Variants in DLGAP2 observed in about 807,000 individuals in gnomAD.
The protein encoded by DLGAP2 is disks large-associated protein 2.
Under a neutral mutation model 100.3 loss-of-function variants are expected in DLGAP2, and 26 were observed. That is an observed-to-expected ratio of 0.26 (90% confidence interval 0.19 to 0.36). DLGAP2 has a LOEUF of 0.36. Among genes scored for constraint, DLGAP2 ranks in the 10% least tolerant of loss-of-function variants. The pLI, the probability that DLGAP2 is intolerant of heterozygous loss-of-function variation, is 1.00. For synonymous variants in DLGAP2, 886 were observed against 630.1 expected, an observed-to-expected ratio of 1.41 and a Z score of -6.08; for missense variants, 1,858 against 1,453.2, an observed-to-expected ratio of 1.28 and a Z score of -4.53.
rs1176858523 is a variant in DLGAP2 at position 1,240,943 on chromosome 8, G to A, written c.74-17908G>A. Among the ~76,000 whole-genome samples, 4 of 8,608 alleles carry A rather than the reference G, an allele frequency of 4.6e-4. 1 individual carries two copies. The highest frequency in any genetic ancestry group is 2.4e-3 in the African/African-American group (3 of 1,272). 5.6% of individuals were successfully genotyped at this position (8,608 alleles called of 152,430 possible). ...ACTGTGTCTAGTTCTCTCACATGGC[G>A]CCGTGTCTAGTTCTCTTACATGGCG... On this transcript the variant is annotated intron_variant, in intron 2 of 14. Transcript: ENST00000637795.
chr8:964,526 A>C (rs946828327), intron 2 of DLGAP2, among the ~76,000 whole-genome samples: 8 of 152,256 alleles, frequency 5.3e-5, no homozygotes, highest in African/African-American at 1.7e-4. Context: ...TCAGCTGTTT[A>C]TTTGAAACGT....
At chr8:886,659 A>G (rs961043970) in intron 1 of DLGAP2, among the ~76,000 whole-genome samples, 17 of 152,244 alleles carry the variant, frequency 1.1e-4, no homozygotes, top group Non-Finnish European at 2.5e-4. Context: ...AGGTTGTTCA[A>G]TTTCCATGAG....
chr8:1,011,124 G>A (rs948117820), intron 2 of DLGAP2, among the ~76,000 whole-genome samples: 6 of 148,524 alleles, frequency 4.0e-5, no homozygotes, highest in African/African-American at 1.5e-4. Flanking sequence ...GAGCCCGGGC[G>A]AAGGGCCTCA....
At chr8:1,432,912 A>G (rs1292792067) in intron 3 of DLGAP2, among the ~76,000 whole-genome samples, 1 of 152,072 alleles carries the variant, frequency 6.6e-6, no homozygotes, top group African/African-American at 2.4e-5. Flanking sequence ...AGACCCTGGG[A>G]ATGGCGAGCA....
Position 1,632,887 on chromosome 8 carries a change from G to T in DLGAP2, c.1651G>T (p.Val551Phe). The T allele has an allele frequency of 6.2e-7, 1 of 1,613,988 alleles. No homozygotes were observed. The highest frequency in any genetic ancestry group is 2.2e-5 in the East Asian group (1 of 44,882). Reference sequence around the variant, plus strand: ...CGTGTGCGAGTCCGTCTTCAGTGAAGTTGAATCTCAGGCCATGGATGCCCT... The same window carrying T: ...CGTGTGCGAGTCCGTCTTCAGTGAATTTGAATCTCAGGCCATGGATGCCCT... ...ESVCESVFSEVESQAMDALDL... is the reference protein window; with the variant it reads ...ESVCESVFSEFESQAMDALDL... The change falls in exon 8 of 15, where the codon GTT becomes TTT. Residue 551 changes from valine (V) to phenylalanine (F), a missense_variant. Val to Phe is a conservative substitution (Grantham distance 50, BLOSUM62 -1). Coordinates refer to ENST00000637795, the MANE Select transcript of DLGAP2 (RefSeq NM_001346810.2).
At chr8:1,671,954 G>A (rs1183469944) in intron 10 of DLGAP2, among the ~76,000 whole-genome samples, 2 of 152,238 alleles carry the variant, frequency 1.3e-5, no homozygotes, top group African/African-American at 4.8e-5. Context: ...ACCCGGTCTG[G>A]CCTGACCTCG....
At chr8:982,972 A>T (rs1026314356) in intron 2 of DLGAP2, among the ~76,000 whole-genome samples, 5 of 143,842 alleles carry the variant, frequency 3.5e-5, no homozygotes, top group Non-Finnish European at 4.5e-5. Flanking sequence ...CCAAATGCGT[A>T]TATCTGCTTT....
intron 2 of DLGAP2, among the ~76,000 whole-genome samples, chr8:1,253,245 G>T (rs548972774): frequency 2.6e-5 from 4 of 152,210 alleles, no homozygotes; most frequent in African/African-American, 7.2e-5. Context: ...TGTCCACCAC[G>T]CAGGGCTGCA....
intron 3 of DLGAP2, among the ~76,000 whole-genome samples, chr8:1,467,816 C>T (rs988426224): frequency 3.3e-5 from 5 of 152,200 alleles, no homozygotes; most frequent in African/African-American, 1.2e-4. Flanking sequence ...GGTCCTGCGC[C>T]CTGCTGCAGG....
At chr8:1,072,960 G>C (rs1351950764) in intron 2 of DLGAP2, among the ~76,000 whole-genome samples, 2 of 152,146 alleles carry the variant, frequency 1.3e-5, no homozygotes, top group African/African-American at 4.8e-5. Flanking sequence ...GTTCCTATGT[G>C]ACACATTAGG....
chr8:1,456,923 C>T (rs1287335192), intron 3 of DLGAP2, among the ~76,000 whole-genome samples: 2 of 150,502 alleles, frequency 1.3e-5, no homozygotes, highest in Non-Finnish European at 2.9e-5. Context: ...CCTCCGGCCC[C>T]GAGCGGTCTC....
At chr8:1,268,709 G>A (rs1157349592) in intron 3 of DLGAP2, among the ~76,000 whole-genome samples, 2 of 152,206 alleles carry the variant, frequency 1.3e-5, no homozygotes, top group Non-Finnish European at 2.9e-5. Flanking sequence ...TGTCTCTGCA[G>A]AAGCCACATT....
intron 2 of DLGAP2, among the ~76,000 whole-genome samples, chr8:1,168,015 T>A (rs1260694673): frequency 1.4e-5 from 2 of 145,518 alleles, no homozygotes; most frequent in Admixed American, 6.8e-5. Flanking sequence ...ATATCTCCCA[T>A]TGCTATCCCT....
intron 3 of DLGAP2, among the ~76,000 whole-genome samples, chr8:1,453,021 T>G (rs1798204544): frequency 6.6e-6 from 1 of 152,142 alleles, no homozygotes; most frequent in Non-Finnish European, 1.5e-5. Context: ...GAAGACACAC[T>G]GAGTGCCATC....
chr8:1,701,213 T>C lies in DLGAP2; in HGVS notation c.2975T>C (p.Ile992Thr), dbSNP rs1351818816. ...GAAGAAAGAAAGGTCCCGCCTCCAA[T>C]ACCAAAGAAGCCTCCCAAGGGGAAG... ...RKEERKVPPPIPKKPPKGKFP... is the reference protein window; with the variant it reads ...RKEERKVPPPTPKKPPKGKFP... Residue 992 changes from isoleucine (I) to threonine (T), a missense_variant, in exon 15 of 15, where the codon ATA becomes ACA. Transcript: ENST00000637795. 5 of 1,570,844 alleles carry C rather than the reference T, an allele frequency of 3.2e-6. No individual in the cohort carries two copies. The highest frequency in any genetic ancestry group is 4.3e-6 in the Non-Finnish European group (5 of 1,158,670).
At chr8:1,696,997 T>C (rs1799414173) in intron 13 of DLGAP2, 150 bp from the exon 14 acceptor site, 5 of 783,996 alleles carry the variant, frequency 6.4e-6, no homozygotes, top group Non-Finnish European at 9.3e-6. Flanking sequence ...CATGGAAGCA[T>C]GGCCTTCCCA....
intron 6 of DLGAP2, among the ~76,000 whole-genome samples, chr8:1,594,883 G>A (rs1405010736): frequency 1.3e-5 from 2 of 152,122 alleles, no homozygotes; most frequent in Non-Finnish European, 1.5e-5. Flanking sequence ...CCTGGGCACA[G>A]CCAATTCTGT....
At chr8:1,483,611 T>A (rs1240794101) in intron 3 of DLGAP2, among the ~76,000 whole-genome samples, 16 of 141,498 alleles carry the variant, frequency 1.1e-4, no homozygotes, top group African/African-American at 3.7e-4. Flanking sequence ...AAGGGAAGGC[T>A]GAACTGCTGT....
intron 2 of DLGAP2, among the ~76,000 whole-genome samples, chr8:1,223,811 C>T (rs563434318): frequency 2.0e-5 from 3 of 152,222 alleles, no homozygotes; most frequent in African/African-American, 7.2e-5. Flanking sequence ...GAATAGTAGG[C>T]AGAGATTTAT....
Sources: allele counts gnomAD v4.1 joint callset (sites outside exome capture counted in the v4.1 genomes callset), GRCh38; gene constraint gnomAD v4.1.1; transcripts MANE v1.5; gene names NCBI Gene and HGNC (gene_info 2026-07-23, HGNC 2026-07-21).